Variants in KCNK10 observed in about 807,000 individuals in gnomAD.
The protein encoded by KCNK10 is potassium channel subfamily K member 10.
KCNK10 carries 25 observed loss-of-function variants against 47.7 expected under a neutral mutation model. The observed-to-expected ratio is 0.52, with a 90% CI of 0.38 to 0.73. The LOEUF is 0.73. KCNK10 is among the 30% of genes least tolerant of loss of function. The pLI, the probability that KCNK10 is intolerant of heterozygous loss-of-function variation, is 0.00. For missense variants in KCNK10, 563 were observed against 714.5 expected (o/e 0.79, Z 2.42); for synonymous variants, 303 against 285.6 (o/e 1.06, Z -0.61).
intron 3 of KCNK10, among the ~76,000 whole-genome samples, chr14:88,238,186 C>A (rs1886349764): frequency 6.6e-6 from 1 of 152,206 alleles, no homozygotes. Context: ...AGCCTCCTTA[C>A]CTCTCTTAGC....
chr14:88,308,590 A>G (rs935786786), intron 1 of KCNK10, among the ~76,000 whole-genome samples: 2 of 152,268 alleles, frequency 1.3e-5, no homozygotes, highest in Non-Finnish European at 2.9e-5. Flanking sequence ...ATCCCGGCAC[A>G]GGCACACTTG....
At chr14:88,256,940 C>T (rs1289633003) in intron 2 of KCNK10, among the ~76,000 whole-genome samples, 2 of 152,110 alleles carry the variant, frequency 1.3e-5, no homozygotes, top group African/African-American at 4.8e-5. Flanking sequence ...GAGGCCGGGG[C>T]AACATGATAT....
intron 1 of KCNK10, among the ~76,000 whole-genome samples, chr14:88,310,366 C>T (rs1888303089): frequency 6.6e-6 from 1 of 151,776 alleles, no homozygotes; most frequent in Non-Finnish European, 1.5e-5. Context: ...CAATGCCTAG[C>T]CCCATTTCTG....
chr14:88,226,794 C>T (rs1221307691), intron 4 of KCNK10, among the ~76,000 whole-genome samples: 1 of 152,166 alleles, frequency 6.6e-6, no homozygotes, highest in East Asian at 1.9e-4. Context: ...AAAAAACCCA[C>T]TAAGGCAATA....
chr14:88,230,895 T>C (rs1886141213), intron 3 of KCNK10, among the ~76,000 whole-genome samples: 1 of 152,192 alleles, frequency 6.6e-6, no homozygotes, highest in Non-Finnish European at 1.5e-5. Context: ...TTAAATGAGA[T>C]AATGTATGTG....
intron 3 of KCNK10, among the ~76,000 whole-genome samples, chr14:88,229,612 A>G (rs772766331): frequency 7.9e-5 from 12 of 152,244 alleles, no homozygotes; most frequent in Non-Finnish European, 1.5e-4. Flanking sequence ...GCCTTTAAAT[A>G]TATTCACAGC....
intron 2 of KCNK10, among the ~76,000 whole-genome samples, chr14:88,255,820 A>G (rs552698464): frequency 2.6e-4 from 40 of 152,266 alleles, no homozygotes; most frequent in Non-Finnish European, 5.7e-4. Flanking sequence ...TGATTGCACC[A>G]CTGCACTCCA....
Position 88,292,758 on chromosome 14 carries a change from G to A in KCNK10, c.53-29207C>T, listed in dbSNP as rs140273875. On this transcript the variant is annotated intron_variant, in intron 1 of 6. Transcript: ENST00000319231. Reference sequence around the variant, plus strand: ...AGTGACTCTTGTGCCTCAGCCTCCCGAGTAGCTGGGACTACAGGCACACAC... The same window carrying A: ...AGTGACTCTTGTGCCTCAGCCTCCCAAGTAGCTGGGACTACAGGCACACAC... Among the ~76,000 whole-genome samples, 52 of 152,134 alleles carry A rather than the reference G, an allele frequency of 3.4e-4. 1 individual carries two copies. The highest frequency in any genetic ancestry group is 9.6e-4 in the African/African-American group (40 of 41,506).
At chr14:88,243,231 T>C (rs1359096211) in intron 2 of KCNK10, among the ~76,000 whole-genome samples, 1 of 152,268 alleles carries the variant, frequency 6.6e-6, no homozygotes, top group Non-Finnish European at 1.5e-5. Context: ...CCAGGTGCAC[T>C]AGAAGCGTCA....
chr14:88,249,290 C>T (rs1297677404), intron 2 of KCNK10, among the ~76,000 whole-genome samples: 3 of 152,226 alleles, frequency 2.0e-5, no homozygotes, highest in Non-Finnish European at 2.9e-5. Context: ...AAGTGACAAG[C>T]TACTCTTAAT....
At chr14:88,293,143 G>T (rs970709311) in intron 1 of KCNK10, among the ~76,000 whole-genome samples, 2 of 152,242 alleles carry the variant, frequency 1.3e-5, no homozygotes, top group South Asian at 4.1e-4. Context: ...AGTGATTTAT[G>T]GTTTGTACTC....
rs1888284548 is a variant in KCNK10, at chr14:88,310,157, C to CATATGGTATATG, written c.52+12589_52+12590insCATATACCATAT. Reference sequence around the variant, plus strand: ...CTGATGTTTTAATCCATATCTCTCTCATATACCATATCATATGGTATATGA... The same window carrying CATATGGTATATG: ...CTGATGTTTTAATCCATATCTCTCTCATATGGTATATGATATACCATATCATATGGTATATGA... On this transcript the variant is annotated intron_variant, in intron 1 of 6. Transcript: ENST00000319231. Among the ~76,000 whole-genome samples the CATATGGTATATG allele has an allele frequency of 3.6e-3, 156 of 43,480 alleles. 1 individual carries two copies. Among genetic ancestry groups the CATATGGTATATG allele is most frequent in the African/African-American group, 6.7e-3 (76 of 11,360 alleles). 28.5% of individuals were successfully genotyped at this position (43,480 alleles called of 152,430 possible).
At chr14:88,202,865 T>C (rs966756530) in intron 4 of KCNK10, among the ~76,000 whole-genome samples, 3 of 152,204 alleles carry the variant, frequency 2.0e-5, no homozygotes, top group African/African-American at 7.2e-5. Flanking sequence ...AGCTTTCTGC[T>C]GGTGATTCAC....
chr14:88,286,612 G>A lies in KCNK10; in HGVS notation c.53-23061C>T, dbSNP rs375785328. 7.2e-5 allele frequency among the ~76,000 whole-genome samples: 11 copies of A among 152,270 alleles called. No individual in the cohort carries two copies. The South Asian group carries it at 8.3e-4, about 11-fold the overall frequency. ...GTAATTAATTTATAAAGAAAAAGAG[G>A]CTTAATGGACTCACAGTTCCATGTG... On this transcript the variant is annotated intron_variant, in intron 1 of 6. Transcript: ENST00000319231.
intron 1 of KCNK10, among the ~76,000 whole-genome samples, chr14:88,296,678 G>A (rs1887990592): frequency 6.6e-6 from 1 of 152,160 alleles, no homozygotes; most frequent in African/African-American, 2.4e-5. Context: ...TGCTATTATT[G>A]TCTACATGGC....
rs1887566094 is a variant in KCNK10, at chr14:88,278,099, T to C, written c.53-14548A>G. On this transcript the variant is annotated intron_variant, in intron 1 of 6. Coordinates refer to ENST00000319231, the MANE Select transcript of KCNK10 (RefSeq NM_138317.3). ...CCCTGCTGTCCAGGAATGGATGAGT[T>C]GGGTGAGAGCTGGCGGTATCTTCAC... Among the ~76,000 whole-genome samples, 3 of 152,198 alleles carry C rather than the reference T, an allele frequency of 2.0e-5. No individual in the cohort carries two copies. The South Asian group carries it at 6.2e-4, about 32-fold the overall frequency.
rs564102498 is a variant in KCNK10 at position 88,180,446 on chromosome 14, G to A, written c.*5089C>T. The A allele has an allele frequency of 5.1e-6, 1 of 197,742 alleles. No individual in the cohort carries two copies. Among genetic ancestry groups the A allele is most frequent in the South Asian group, 1.9e-4 (1 of 5,240 alleles). The allele number at this position is 197,742 out of a possible 1,614,324, so 12.2% of individuals were successfully genotyped here. On this transcript the variant is annotated 3_prime_UTR_variant, in exon 7 of 7. Transcript: ENST00000319231. ...TGAGGTGGTTTGCATATCACTTCTA[G>A]GCACCACTGCACCTTCTCCCTTCAA...
chr14:88,315,884 G>GA (rs1888422538), intron 1 of KCNK10, among the ~76,000 whole-genome samples: 1 of 152,066 alleles, frequency 6.6e-6, no homozygotes, highest in Admixed American at 6.5e-5. Context: ...TGGCGGTGGG[G>GA]AGGGAACAAG....
chr14:88,224,323 T>G (rs1885916256), intron 4 of KCNK10, among the ~76,000 whole-genome samples: 2 of 152,218 alleles, frequency 1.3e-5, no homozygotes, highest in East Asian at 1.9e-4. Context: ...AGCTATATTC[T>G]CTGATCAGCT....
Sources: allele counts gnomAD v4.1 joint callset (sites outside exome capture counted in the v4.1 genomes callset), GRCh38; gene constraint gnomAD v4.1.1; transcripts MANE v1.5; gene names NCBI Gene and HGNC (gene_info 2026-07-23, HGNC 2026-07-21).